The following CSMD3 variants were observed in gnomAD, a reference collection of about 807,000 sequenced individuals.
CSMD3 encodes CUB and sushi domain-containing protein 3.
In CSMD3, 177 loss-of-function variants were observed where a neutral mutation model predicts 435.2. The ratio of observed to expected loss-of-function variants is 0.41; its 90% CI spans 0.36 to 0.46. CSMD3 has a LOEUF of 0.46. Among genes scored for constraint, CSMD3 ranks in the 20% least tolerant of loss-of-function variants. The pLI, the probability that CSMD3 is intolerant of heterozygous loss-of-function variation, is 0.34. For missense variants in CSMD3, 4,265 were observed against 4,504.6 expected, an observed-to-expected ratio of 0.95 and a Z score of 1.52; for synonymous variants, 1,656 against 1,520.5, an observed-to-expected ratio of 1.09 and a Z score of -2.07.
chr8:113,124,590 T>G (rs900644255), intron 4 of CSMD3, among the ~76,000 whole-genome samples: 1 of 151,976 alleles, frequency 6.6e-6, no homozygotes, highest in Non-Finnish European at 1.5e-5. Flanking sequence ...GGCTATTTTA[T>G]TTTTGGTGAT....
At chr8:112,394,359 T>C (rs1454252002) in intron 35 of CSMD3, among the ~76,000 whole-genome samples, 1 of 152,112 alleles carries the variant, frequency 6.6e-6, no homozygotes, top group African/African-American at 2.4e-5. Context: ...ATATTGGTTC[T>C]ACTCCACATC....
intron 30 of CSMD3, among the ~76,000 whole-genome samples, chr8:112,499,621 TATA>T (rs568046398): frequency 5.3e-4 from 81 of 152,206 alleles, no homozygotes; most frequent in African/African-American, 1.8e-3. Flanking sequence ...AAATTTATAA[TATA>T]ATAAGTTATA....
intron 45 of CSMD3, among the ~76,000 whole-genome samples, chr8:112,324,882 T>C (rs1489938465): frequency 6.6e-6 from 1 of 152,080 alleles, no homozygotes; most frequent in Non-Finnish European, 1.5e-5. Flanking sequence ...AGAGTCTATA[T>C]TGCAGTGGGT....
At chr8:113,275,005 G>C (rs1170603245) in intron 3 of CSMD3, among the ~76,000 whole-genome samples, 2 of 151,912 alleles carry the variant, frequency 1.3e-5, no homozygotes, top group Non-Finnish European at 2.9e-5. Flanking sequence ...CTCCATTATA[G>C]AAATTTGTAC....
chr8:112,237,927 G>C (rs529077669), intron 66 of CSMD3, among the ~76,000 whole-genome samples: 1 of 152,018 alleles, frequency 6.6e-6, no homozygotes, highest in East Asian at 1.9e-4. Context: ...GGTATTTTTA[G>C]AAATTGTCAC....
chr8:113,047,812 A>T (rs1235806668), intron 5 of CSMD3, among the ~76,000 whole-genome samples: 2 of 152,214 alleles, frequency 1.3e-5, no homozygotes, highest in African/African-American at 4.8e-5. Flanking sequence ...ATTTGATTCT[A>T]TAAATAATCA....
chr8:113,069,744 T>C (rs2089021776), intron 5 of CSMD3, among the ~76,000 whole-genome samples: 1 of 152,142 alleles, frequency 6.6e-6, no homozygotes, highest in South Asian at 2.1e-4. Flanking sequence ...GGCAGGTTCA[T>C]GTAACTAGTT....
chr8:112,699,122 C>T lies in CSMD3; in HGVS notation c.1973-9072G>A, dbSNP rs199809417. On this transcript the variant is annotated intron_variant, in intron 13 of 70. Coordinates refer to ENST00000297405, the MANE Select transcript of CSMD3 (RefSeq NM_198123.2). The stretch of plus-strand genomic sequence containing the variant: ...CAAGCCAGCAGCAGCAACCCGCTCG[C>T]GTCCCCTTCCATGCTGTGGAAGCTT... Among the ~76,000 whole-genome samples the T allele has an allele frequency of 7.9e-5, 12 of 152,224 alleles. No individual in the cohort carries two copies. In the South Asian group the frequency reaches 1.0e-3, roughly 13 times the overall value.
intron 45 of CSMD3, among the ~76,000 whole-genome samples, chr8:112,322,555 T>A (rs1586765620): frequency 6.6e-6 from 1 of 152,096 alleles, no homozygotes; most frequent in Admixed American, 6.6e-5. Flanking sequence ...TAAATTTGAA[T>A]TCTGAACAAA....
rs28539143 is a variant in CSMD3, at chr8:112,924,722, C to T, written c.1509-2971G>A. Among the ~76,000 whole-genome samples, 993 of 152,038 alleles carry T rather than the reference C, an allele frequency of 6.5e-3. 5 individuals are homozygous for T. Among genetic ancestry groups the T allele is most frequent in the Middle Eastern group, 0.027 (8 of 294 alleles). ...ACTTATTTTTCCCCTACAGATTAGC[C>T]ATCTCAACATGTTCTTCTCCCCTTA... On this transcript the variant is annotated intron_variant, in intron 9 of 70. Coordinates refer to ENST00000297405, the MANE Select transcript of CSMD3 (RefSeq NM_198123.2).
chr8:112,228,021 G>A (rs1023601425), intron 70 of CSMD3, among the ~76,000 whole-genome samples: 7 of 152,014 alleles, frequency 4.6e-5, no homozygotes, highest in East Asian at 3.9e-4. Context: ...CATCCTGAGC[G>A]ACAGAGCAAG....
chr8:112,853,605 A>G (rs2080559374), intron 11 of CSMD3, among the ~76,000 whole-genome samples: 2 of 152,178 alleles, frequency 1.3e-5, no homozygotes, highest in Admixed American at 6.6e-5. Flanking sequence ...GTTTCAAATA[A>G]CATCTATAGC....
At chr8:112,984,357 T>C (rs934060415) in intron 6 of CSMD3, among the ~76,000 whole-genome samples, 2 of 152,102 alleles carry the variant, frequency 1.3e-5, no homozygotes, top group Non-Finnish European at 2.9e-5. Context: ...CACCAAGATA[T>C]ACATCATTTA....
intron 1 of CSMD3, among the ~76,000 whole-genome samples, chr8:113,329,553 G>A (rs2094011226): frequency 6.6e-6 from 1 of 152,140 alleles, no homozygotes; most frequent in African/African-American, 2.4e-5. Context: ...CAGAGAAGAT[G>A]CAAGAGGTGA....
chr8:113,419,884 G>C (rs1221849758), intron 1 of CSMD3, among the ~76,000 whole-genome samples: 2 of 151,882 alleles, frequency 1.3e-5, no homozygotes, highest in African/African-American at 2.4e-5. Context: ...TCTAATGGTA[G>C]CCTTAAAAAG....
intron 13 of CSMD3, among the ~76,000 whole-genome samples, chr8:112,766,697 C>T (rs2077987798): frequency 6.6e-6 from 1 of 151,872 alleles, no homozygotes; most frequent in East Asian, 1.9e-4. Flanking sequence ...GGTAGAAAGG[C>T]TGATTTCCTT....
chr8:112,504,148 T>C (rs1822272527), intron 29 of CSMD3, among the ~76,000 whole-genome samples, 171 bp from the exon 30 acceptor site: 1 of 152,198 alleles, frequency 6.6e-6, no homozygotes, highest in Non-Finnish European at 1.5e-5. Context: ...ACATATTTAA[T>C]ATAAATATCA....
At chr8:113,136,020 A>G (rs1409036062) in intron 4 of CSMD3, among the ~76,000 whole-genome samples, 1 of 151,908 alleles carries the variant, frequency 6.6e-6, no homozygotes, top group Non-Finnish European at 1.5e-5. Context: ...GAATGCAAAC[A>G]GGCACAATAT....
chr8:113,045,234 C>G (rs989635885), intron 5 of CSMD3, among the ~76,000 whole-genome samples: 1 of 149,210 alleles, frequency 6.7e-6, no homozygotes, highest in Non-Finnish European at 1.5e-5. Context: ...AATCGCCTTG[C>G]AATGCTTTTT....
Sources: gnomAD v4.1 joint callset for allele counts (sites outside exome capture counted in the v4.1 genomes callset) on GRCh38, gnomAD v4.1.1 for gene constraint, MANE v1.5 for transcripts, NCBI Gene and HGNC (gene_info 2026-07-23, HGNC 2026-07-21) for gene names.